Variants in KALRN observed in about 807,000 individuals in gnomAD.
KALRN encodes the protein kalirin RhoGEF kinase.
KALRN carries 70 observed loss-of-function variants against 353.7 expected under a neutral mutation model. The ratio of observed to expected loss-of-function variants is 0.20; its 90% CI spans 0.16 to 0.24. KALRN has a LOEUF of 0.24. KALRN is among the 10% of genes least tolerant of loss of function. The pLI is 1.00. For synonymous variants in KALRN, 1,391 were observed against 1,434.8 expected (o/e 0.97, Z 0.69); for missense variants, 2,791 against 3,756.7 (o/e 0.74, Z 6.72).
At chr3:124,705,937 G>A (rs1253286877) in intron 57 of KALRN, among the ~76,000 whole-genome samples, 1 of 150,652 alleles carries the variant, frequency 6.6e-6, no homozygotes, top group Non-Finnish European at 1.5e-5. Flanking sequence ...TTTAGGACAG[G>A]GTCTCACTCT....
intron 1 of KALRN, among the ~76,000 whole-genome samples, chr3:124,113,757 T>G (rs77450535): frequency 0.019 from 2,911 of 152,310 alleles, 106 homozygotes; most frequent in African/African-American, 0.066. Context: ...TCAAGGTACA[T>G]CCTGCCTCAC....
chr3:124,290,093 T>A (rs1425247889), intron 5 of KALRN, among the ~76,000 whole-genome samples: 1 of 152,212 alleles, frequency 6.6e-6, no homozygotes, highest in African/African-American at 2.4e-5. Flanking sequence ...AGAGTTTTCC[T>A]GTCATTTTTG....
chr3:124,475,584 CT>C (rs1420032554), intron 26 of KALRN, among the ~76,000 whole-genome samples: 2 of 152,162 alleles, frequency 1.3e-5, no homozygotes, highest in Non-Finnish European at 2.9e-5. Context: ...GGCTAATTGC[CT>C]TTCAAAGTGT....
intron 33 of KALRN, among the ~76,000 whole-genome samples, chr3:124,555,521 C>G (rs931098725): frequency 2.0e-5 from 3 of 151,820 alleles, no homozygotes; most frequent in Non-Finnish European, 4.4e-5. Context: ...GTGTCTCCCC[C>G]CACTAACACC....
At chr3:124,214,961 C>T (rs1199793251) in intron 1 of KALRN, among the ~76,000 whole-genome samples, 3 of 152,176 alleles carry the variant, frequency 2.0e-5, no homozygotes, top group African/African-American at 2.4e-5. Context: ...ATGGTGGCCT[C>T]GCTATCAGGA....
At chr3:124,039,297 G>A (rs921113081) in intron 1 of KALRN, among the ~76,000 whole-genome samples, 2 of 152,192 alleles carry the variant, frequency 1.3e-5, no homozygotes, top group East Asian at 1.9e-4. Flanking sequence ...CACAGCTCAC[G>A]ATGACAGCCC....
At chr3:124,698,122 C>T (rs562300075) in intron 55 of KALRN, among the ~76,000 whole-genome samples, 4 of 152,128 alleles carry the variant, frequency 2.6e-5, no homozygotes, top group Admixed American at 1.3e-4. Flanking sequence ...GCGCACACCA[C>T]CACACCCGGC....
At chr3:124,186,792 C>T (rs76706524) in intron 1 of KALRN, among the ~76,000 whole-genome samples, 3,187 of 152,278 alleles carry the variant, frequency 0.021, 50 homozygotes, top group Non-Finnish European at 0.033. Context: ...GTAACTCGTT[C>T]CTTTGACTTA....
At chr3:124,123,515 C>T (rs566425801) in intron 1 of KALRN, among the ~76,000 whole-genome samples, 192 of 152,268 alleles carry the variant, frequency 1.3e-3, no homozygotes, top group African/African-American at 4.5e-3. Flanking sequence ...GTTCATGAGA[C>T]TGAGGGAAAG....
Position 124,700,124 on chromosome 3 carries a change from G to A in KALRN, c.7996+91G>A, listed in dbSNP as rs1024633895. The A allele has an allele frequency of 1.5e-5, 19 of 1,286,422 alleles. No homozygotes were observed. The Admixed American group carries it at 2.6e-4, about 18-fold the overall frequency. The allele number at this position is 1,286,422 out of a possible 1,614,324, so 79.7% of individuals were successfully genotyped here. ...ACTCCTGGGCACGTTGACATGTCAG[G>A]CCACCATGCAAGAGGCACCTTTTAG... On this transcript the variant is annotated intron_variant, in intron 56 of 59. Coordinates refer to ENST00000682506, the MANE Select transcript of KALRN (RefSeq NM_001388419.1).
Position 124,661,856 on chromosome 3 carries a change from A to G in KALRN, c.6273A>G (p.Ala2091=). ...ACAGTTGTTCTTTCCCACAGAAAGC[A>G]GTGGAGTTAATGTGCCTTGTTCCCA... ...AGLECSDIEK[A]VELMCLVPKR... Residue 2091 remains alanine, a synonymous_variant, in exon 45 of 60, where the codon GCA becomes GCG. Coordinates refer to ENST00000682506, the MANE Select transcript of KALRN (RefSeq NM_001388419.1). The G allele has an allele frequency of 6.2e-7, 1 of 1,613,344 alleles. No homozygotes were observed. The highest frequency in any genetic ancestry group is 1.3e-5 in the African/African-American group (1 of 75,034).
chr3:124,094,591 T>G, intron 1 of KALRN: 1 of 549,526 alleles, frequency 1.8e-6, no homozygotes, highest in South Asian at 2.2e-5. Flanking sequence ...GACCTCCCCT[T>G]GGGTCCAGGC....
intron 23 of KALRN, 145 bp downstream of exon 23, chr3:124,456,873 T>A (rs2107597382): frequency 3.6e-6 from 2 of 558,300 alleles, no homozygotes; most frequent in Middle Eastern, 5.0e-4. Context: ...GCATTGAGAA[T>A]ATGGGTTCCC....
Position 124,705,815 on chromosome 3 carries a change from CCTTCCTCCCTT to C in KALRN, c.8075+3701_8075+3711del, listed in dbSNP as rs1189713229. Among the ~76,000 whole-genome samples, 5 of 148,932 alleles carry C rather than the reference CCTTCCTCCCTT, an allele frequency of 3.4e-5. No individual in the cohort carries two copies. The East Asian group carries it at 1.0e-3, about 30-fold the overall frequency. The stretch of plus-strand genomic sequence containing the variant: ...AGACTGGTCCCTCCCTTCCTTCCTT[CCTTCCTCCCTT>C]CCTTCCTTCCTTCCTTCCTTCCTTC... On this transcript the variant is annotated intron_variant, in intron 57 of 59. Coordinates refer to ENST00000682506, the MANE Select transcript of KALRN (RefSeq NM_001388419.1).
chr3:124,298,949 G>C (rs777845589), intron 6 of KALRN, 36 bp downstream of exon 6: 2 of 1,613,114 alleles, frequency 1.2e-6, no homozygotes, highest in Admixed American at 3.3e-5. Context: ...CTGCCTCTGG[G>C]AGTGGGAGAG....
intron 1 of KALRN, among the ~76,000 whole-genome samples, chr3:124,137,775 A>G (rs1046673901): frequency 6.6e-6 from 1 of 152,100 alleles, no homozygotes; most frequent in Non-Finnish European, 1.5e-5. Context: ...AGGTCTAGAG[A>G]AGGGAAAAGG....
At chr3:124,303,736 G>C (rs1355031625) in intron 6 of KALRN, among the ~76,000 whole-genome samples, 1 of 152,154 alleles carries the variant, frequency 6.6e-6, no homozygotes, top group Non-Finnish European at 1.5e-5. Flanking sequence ...ACAATGTGCA[G>C]CTGGGCGGGA....
chr3:124,297,525 C>G (rs140809592), intron 5 of KALRN, among the ~76,000 whole-genome samples: 1 of 152,240 alleles, frequency 6.6e-6, no homozygotes, highest in Non-Finnish European at 1.5e-5. Context: ...GGTCCTCACC[C>G]ACATCAGGAT....
At chr3:124,405,364 T>G (rs1010636357) in intron 13 of KALRN, among the ~76,000 whole-genome samples, 2 of 152,150 alleles carry the variant, frequency 1.3e-5, no homozygotes, top group Non-Finnish European at 2.9e-5. Context: ...TGCTATATGC[T>G]CCTCCTTTCT....
Sources: gnomAD v4.1 joint callset for allele counts (sites outside exome capture counted in the v4.1 genomes callset) on GRCh38, gnomAD v4.1.1 for gene constraint, MANE v1.5 for transcripts, NCBI Gene and HGNC (gene_info 2026-07-23, HGNC 2026-07-21) for gene names.